The following PRKG1 variants were observed in gnomAD, a reference collection of about 807,000 sequenced individuals.
PRKG1 encodes the protein protein kinase cGMP-dependent 1.
In PRKG1, 35 loss-of-function variants were observed where a neutral mutation model predicts 88.1. That is an observed-to-expected ratio of 0.40 (90% CI 0.30 to 0.53). The LOEUF is 0.53. Among genes scored for constraint, PRKG1 ranks in the 20% least tolerant of loss-of-function variants. The pLI is 0.59. For missense variants in PRKG1, 540 were observed against 839.8 expected (o/e 0.64, Z 4.41); for synonymous variants, 303 against 292.5 (o/e 1.04, Z -0.37).
chr10:52,220,557 C>T (rs1024628271), intron 9 of PRKG1, among the ~76,000 whole-genome samples: 2 of 151,968 alleles, frequency 1.3e-5, no homozygotes, highest in African/African-American at 2.4e-5. Context: ...TCCTGATTCT[C>T]TCCCTCTCCC....
Position 51,024,522 on chromosome 10 carries a change from A to T in PRKG1, c.266+32878A>T, listed in dbSNP as rs1225920962. ...ATACTTTTTAGATGAAGAAATTTAG[A>T]TGAAGAAATTGATTAATCGAATAAT... On this transcript the variant is annotated intron_variant, in intron 1 of 17. Transcript: ENST00000401604. 2.6e-5 allele frequency among the ~76,000 whole-genome samples: 4 copies of T among 152,202 alleles called. No homozygotes were observed. In the South Asian group the frequency reaches 6.2e-4, roughly 24 times the overall value.
At chr10:51,656,653 T>A (rs1840167967) in intron 3 of PRKG1, among the ~76,000 whole-genome samples, 1 of 152,260 alleles carries the variant, frequency 6.6e-6, no homozygotes, top group South Asian at 2.1e-4. Context: ...TAATTCATCT[T>A]AAACACCACT....
intron 1 of PRKG1, among the ~76,000 whole-genome samples, chr10:51,129,028 C>T (rs1464391836): frequency 2.6e-5 from 4 of 152,120 alleles, no homozygotes; most frequent in Admixed American, 1.3e-4. Context: ...ATCTGGAATA[C>T]GGTCTCTGTA....
At chr10:51,918,641 C>T (rs1247972885) in intron 5 of PRKG1, among the ~76,000 whole-genome samples, 1 of 152,108 alleles carries the variant, frequency 6.6e-6, no homozygotes, top group Non-Finnish European at 1.5e-5. Context: ...GATTTGCTGT[C>T]ATTTATGGGG....
At chr10:52,093,315 C>T (rs1034313783) in intron 7 of PRKG1, among the ~76,000 whole-genome samples, 6 of 151,776 alleles carry the variant, frequency 4.0e-5, no homozygotes, top group African/African-American at 1.2e-4. Flanking sequence ...GGTCAAATAA[C>T]TGTTATCCTT....
intron 4 of PRKG1, among the ~76,000 whole-genome samples, chr10:51,884,577 T>C (rs2132888353): frequency 6.6e-6 from 1 of 150,912 alleles, no homozygotes; most frequent in South Asian, 2.2e-4. Flanking sequence ...TTATTGTTTC[T>C]CATGATTCCC....
chr10:52,251,474 C>A (rs547970895), intron 9 of PRKG1, 96 bp from the exon 10 acceptor site: 89 of 951,454 alleles, frequency 9.4e-5, no homozygotes, highest in African/African-American at 6.1e-4. Context: ...AGCAGGTAAA[C>A]CCTGTTCCAC....
At chr10:52,152,434 G>A (rs1589653355) in intron 8 of PRKG1, among the ~76,000 whole-genome samples, 2 of 152,080 alleles carry the variant, frequency 1.3e-5, no homozygotes, top group East Asian at 3.9e-4. Context: ...AAATCACAGA[G>A]TGACATTAGG....
intron 2 of PRKG1, among the ~76,000 whole-genome samples, chr10:51,389,628 T>G (rs925229278): frequency 2.0e-5 from 3 of 152,152 alleles, no homozygotes; most frequent in Admixed American, 6.5e-5. Context: ...TAAGCTCCCT[T>G]ATTCTCAGTA....
chr10:52,088,862 G>T (rs774032275), intron 7 of PRKG1, among the ~76,000 whole-genome samples: 2 of 151,998 alleles, frequency 1.3e-5, no homozygotes, highest in Non-Finnish European at 2.9e-5. Context: ...ACAAATACAC[G>T]CTGTTGCACA....
intron 2 of PRKG1, among the ~76,000 whole-genome samples, chr10:51,398,167 G>T (rs1837631109): frequency 6.6e-6 from 1 of 152,140 alleles, no homozygotes; most frequent in Non-Finnish European, 1.5e-5. Flanking sequence ...TTGGCACCAG[G>T]GACTGGTTTC....
intron 10 of PRKG1, among the ~76,000 whole-genome samples, chr10:52,258,639 A>G (rs1210432083): frequency 6.6e-6 from 1 of 152,072 alleles, no homozygotes. Context: ...TTAGGCAAAA[A>G]TCATCTGTTT....
chr10:51,691,946 T>A (rs1387833233), intron 3 of PRKG1, among the ~76,000 whole-genome samples: 1 of 152,312 alleles, frequency 6.6e-6, no homozygotes, highest in Middle Eastern at 3.4e-3. Context: ...GTTTCAATAG[T>A]GTAATTTCTC....
chr10:51,941,279 C>A (rs1842901099), intron 5 of PRKG1, among the ~76,000 whole-genome samples: 1 of 151,818 alleles, frequency 6.6e-6, no homozygotes, highest in African/African-American at 2.4e-5. Flanking sequence ...AACACTTAAG[C>A]ACCAACTATG....
At chr10:51,736,802 CTT>C (rs1204738786) in intron 3 of PRKG1, among the ~76,000 whole-genome samples, 4 of 145,634 alleles carry the variant, frequency 2.7e-5, no homozygotes, top group East Asian at 2.0e-4. Flanking sequence ...CTAATTTTAA[CTT>C]TTTTTTTTTT....
intron 1 of PRKG1, among the ~76,000 whole-genome samples, chr10:51,107,448 A>G (rs1462077248): frequency 6.6e-6 from 1 of 152,202 alleles, no homozygotes. Flanking sequence ...GAAAGGAAGT[A>G]ATAAAGATCA....
intron 1 of PRKG1, among the ~76,000 whole-genome samples, chr10:51,143,553 T>C (rs1845872631): frequency 1.3e-5 from 2 of 152,056 alleles, no homozygotes; most frequent in African/African-American, 4.8e-5. Flanking sequence ...CTTCATACTA[T>C]TTTCCGTAAT....
At chr10:51,857,247 C>G (rs548111686) in intron 4 of PRKG1, among the ~76,000 whole-genome samples, 5 of 152,310 alleles carry the variant, frequency 3.3e-5, no homozygotes, top group South Asian at 2.1e-4. Context: ...CCAGAGTAGT[C>G]TTTCTTCTAA....
At chr10:51,947,465 A>G (rs1300257473) in intron 5 of PRKG1, among the ~76,000 whole-genome samples, 30 of 151,866 alleles carry the variant, frequency 2.0e-4, no homozygotes, top group Admixed American at 1.3e-3. Flanking sequence ...GGTGCGCTGC[A>G]CCCACTGTCT....
Sources: allele counts gnomAD v4.1 joint callset (sites outside exome capture counted in the v4.1 genomes callset), GRCh38; gene constraint gnomAD v4.1.1; transcripts MANE v1.5; gene names NCBI Gene and HGNC (gene_info 2026-07-23, HGNC 2026-07-21).